RHOBTB3: variants seen among roughly 807,000 people sequenced by gnomAD.
The protein encoded by RHOBTB3 is rho-related BTB domain-containing protein 3.
In RHOBTB3, 47 loss-of-function variants were observed where a neutral mutation model predicts 67.2. That is an observed-to-expected ratio of 0.70 (90% CI 0.55 to 0.89). The LOEUF is 0.89. Ranked by LOEUF, RHOBTB3 falls within the 40% of genes least tolerant of loss-of-function variation. RHOBTB3 has a pLI of 0.00. For missense variants in RHOBTB3, 631 were observed against 750.0 expected (o/e 0.84, Z 1.85); for synonymous variants, 273 against 274.2 (o/e 1.00, Z 0.04).
chr5:95,729,283 T>C (rs1243511001), upstream of RHOBTB3, among the ~76,000 whole-genome samples: 2 of 152,158 alleles, frequency 1.3e-5, no homozygotes, highest in Non-Finnish European at 2.9e-5. Context: ...TGGTAACAAA[T>C]TGCTTTAGCT....
At chr5:95,745,755 G>A (rs1744887323) in intron 3 of RHOBTB3, among the ~76,000 whole-genome samples, 1 of 152,132 alleles carries the variant, frequency 6.6e-6, no homozygotes, top group South Asian at 2.1e-4. Flanking sequence ...ACGTGACCAT[G>A]CCGCACCACA....
chr5:95,754,692 G>A (rs573018614), intron 5 of RHOBTB3, among the ~76,000 whole-genome samples: 1 of 152,302 alleles, frequency 6.6e-6, no homozygotes, highest in South Asian at 2.1e-4. Context: ...CTTTGTTGGT[G>A]ATCAAACTAG....
chr5:95,773,896 A>T (rs564936414), intron 8 of RHOBTB3, among the ~76,000 whole-genome samples: 8 of 152,348 alleles, frequency 5.3e-5, no homozygotes, highest in Middle Eastern at 3.4e-3. Context: ...TCCAAAATGT[A>T]TAGGGAGAAG....
intron 10 of RHOBTB3, among the ~76,000 whole-genome samples, chr5:95,785,742 A>AT (rs1186724475): frequency 3.3e-5 from 5 of 152,118 alleles, no homozygotes; most frequent in African/African-American, 1.2e-4. Context: ...TTGATGTATC[A>AT]TTTTCATACT....
intron 1 of RHOBTB3, among the ~76,000 whole-genome samples, chr5:95,725,391 A>C (rs940284969): frequency 1.3e-5 from 2 of 152,268 alleles, no homozygotes; most frequent in Non-Finnish European, 2.9e-5. Flanking sequence ...GTAAAAATCT[A>C]ATGAAAAATG....
In RHOBTB3 at chr5:95,737,553, T is replaced by C. The variant is rs78947100; in HGVS notation, c.415+478T>C. On this transcript the variant is annotated intron_variant, in intron 3 of 11. Coordinates refer to ENST00000379982, the MANE Select transcript of RHOBTB3 (RefSeq NM_014899.4). ...GCTTATTCCATGGCTGATAGATTCA[T>C]TGGGTTCAGGCTGCTTCAGCCATTG... is the stretch of plus-strand genomic sequence containing the variant. Among the ~76,000 whole-genome samples the C allele has an allele frequency of 9.1e-4, 138 of 152,322 alleles. 2 individuals are homozygous for C. Among genetic ancestry groups the C allele is most frequent in the Middle Eastern group, 6.8e-3 (2 of 294 alleles).
chr5:95,755,192 T>C (rs1048739815), intron 5 of RHOBTB3, among the ~76,000 whole-genome samples: 5 of 148,950 alleles, frequency 3.4e-5, no homozygotes, highest in Non-Finnish European at 7.4e-5. Context: ...ATAATTAGTT[T>C]ATATATGTTT....
chr5:95,744,618 A>G (rs1205938568), intron 3 of RHOBTB3, among the ~76,000 whole-genome samples: 1 of 152,176 alleles, frequency 6.6e-6, no homozygotes, highest in East Asian at 1.9e-4. Flanking sequence ...ATGTAATTAC[A>G]AAGTAATTAC....
Position 95,732,063 on chromosome 5 carries a change from G to C in RHOBTB3, c.207G>C (p.Val69=). 1 of 1,614,212 alleles carries C rather than the reference G, an allele frequency of 6.2e-7. No homozygotes were observed. Among genetic ancestry groups the C allele is most frequent in the Non-Finnish European group, 8.5e-7 (1 of 1,180,028 alleles). Reference sequence around the variant, plus strand: ...GTGCGTTTGGGAATGTCAAGCTGGTGGTCCACGACTGTCCCGTCTGGGTAA... The same window carrying C: ...GTGCGTTTGGGAATGTCAAGCTGGTCGTCCACGACTGTCCCGTCTGGGTAA... ...QASAFGNVKL[V]VHDCPVWDIF... Residue 69 remains valine (V), a synonymous_variant, in exon 2 of 12, where the codon GTG becomes GTC. Transcript: ENST00000379982.
intron 8 of RHOBTB3, chr5:95,770,802 A>C (rs1479079413): frequency 5.8e-6 from 1 of 173,300 alleles, no homozygotes; most frequent in African/African-American, 2.4e-5. Context: ...TTTGAAGAAA[A>C]TGACTGAAGA....
chr5:95,789,554 A>G (rs1260931407), intron 11 of RHOBTB3: 1 of 152,214 alleles, frequency 6.6e-6, no homozygotes, highest in African/African-American at 2.4e-5. Flanking sequence ...ACTCAAGGAA[A>G]ATTTGAGCTA....
At chr5:95,758,566 C>G (rs1468289705) in intron 6 of RHOBTB3, among the ~76,000 whole-genome samples, 3 of 152,172 alleles carry the variant, frequency 2.0e-5, no homozygotes, top group African/African-American at 7.2e-5. Flanking sequence ...AAGCTCATCT[C>G]TGGTTGTGGT....
intron 9 of RHOBTB3, among the ~76,000 whole-genome samples, chr5:95,780,889 G>C (rs527951904): frequency 6.6e-6 from 1 of 152,244 alleles, no homozygotes; most frequent in Non-Finnish European, 1.5e-5. Context: ...TCTTCCTTCT[G>C]CCCAGAGGAT....
intron 4 of RHOBTB3, among the ~76,000 whole-genome samples, chr5:95,750,275 G>A (rs1352469390): frequency 1.3e-5 from 2 of 152,172 alleles, no homozygotes; most frequent in African/African-American, 4.8e-5. Context: ...CAGCTTTAGA[G>A]AGCTCCATCT....
At position 95,795,533 on chromosome 5, in the gene RHOBTB3, T is replaced by G. The variant is rs1311354701; in HGVS notation, c.*2359T>G. On this transcript the variant is annotated 3_prime_UTR_variant, in exon 12 of 12. Transcript: ENST00000379982. ...GTTTAACTAGACTATAGGTAGTTCC[T>G]TAAGGTTGTTTGACCTGAAGTGGAG... is the stretch of plus-strand genomic sequence containing the variant. 6.6e-6 allele frequency: 1 copy of G among 152,240 alleles called. No individual in the cohort carries two copies. Among genetic ancestry groups the G allele is most frequent in the Admixed American group, 6.5e-5 (1 of 15,286 alleles). 9.4% of individuals were successfully genotyped at this position (152,240 alleles called of 1,614,324 possible).
At chr5:95,726,052 CAG>C (rs1755044741), upstream of RHOBTB3, among the ~76,000 whole-genome samples, 2 of 152,124 alleles carry the variant, frequency 1.3e-5, no homozygotes, top group Admixed American at 1.3e-4. Flanking sequence ...TACACTGAAA[CAG>C]AATTTCTCAA....
Position 95,752,354 on chromosome 5 carries a change from C to T in RHOBTB3, c.682+4C>T, listed in dbSNP as rs958270026. On this transcript the variant is annotated splice_donor_region_variant and intron_variant, in intron 5 of 11. Coordinates refer to ENST00000379982, the MANE Select transcript of RHOBTB3 (RefSeq NM_014899.4). ...CCACCTCAACTTGAACAACCAGGTG[C>T]ATTTCTTAGCCAATGTCTAGACATT... 3.9e-6 allele frequency: 6 copies of T among 1,545,546 alleles called. No homozygotes were observed. The highest frequency in any genetic ancestry group is 3.4e-4 in the Middle Eastern group (2 of 5,946).
chr5:95,763,775 A>G (rs1166035366), intron 7 of RHOBTB3, among the ~76,000 whole-genome samples, 155 bp downstream of exon 7: 1 of 151,630 alleles, frequency 6.6e-6, no homozygotes, highest in Non-Finnish European at 1.5e-5. Flanking sequence ...TATTTAAAAC[A>G]TAAACATGGG....
chr5:95,732,258 C>T, intron 2 of RHOBTB3, 174 bp downstream of exon 2: 1 of 656,718 alleles, frequency 1.5e-6, no homozygotes. Context: ...CAGGGAACAG[C>T]CCTGTCAGAG....
Sources: gnomAD v4.1 joint callset for allele counts (sites outside exome capture counted in the v4.1 genomes callset) on GRCh38, gnomAD v4.1.1 for gene constraint, MANE v1.5 for transcripts, NCBI Gene and HGNC (gene_info 2026-07-23, HGNC 2026-07-21) for gene names.